Variants in PAWR observed in about 807,000 individuals in gnomAD.
PAWR encodes the protein PRKC apoptosis WT1 regulator protein.
In PAWR, 23 loss-of-function variants were observed where a neutral mutation model predicts 32.0. The ratio of observed to expected loss-of-function variants is 0.72; its 90% CI spans 0.52 to 1.02. The LOEUF is 1.02. Among genes scored for constraint, PAWR ranks in the 50% least tolerant of loss-of-function variants. The pLI is 0.00. For missense variants in PAWR, 457 were observed against 437.7 expected, an observed-to-expected ratio of 1.04 and a Z score of -0.39; for synonymous variants, 226 against 187.1, an observed-to-expected ratio of 1.21 and a Z score of -1.70.
chr12:79,636,787 C>G (rs1468906228), intron 2 of PAWR, among the ~76,000 whole-genome samples: 1 of 152,044 alleles, frequency 6.6e-6, no homozygotes, highest in African/African-American at 2.4e-5. Context: ...AATGCTTGTT[C>G]CTTCGATTTT....
intron 2 of PAWR, among the ~76,000 whole-genome samples, chr12:79,659,158 G>A (rs182851820): frequency 2.2e-3 from 332 of 151,968 alleles, no homozygotes; most frequent in African/African-American, 7.2e-3. Flanking sequence ...CGAGCCAGGC[G>A]TGGTGGCGGG....
intron 2 of PAWR, among the ~76,000 whole-genome samples, chr12:79,657,562 C>T (rs538566359): frequency 3.3e-5 from 5 of 152,220 alleles, no homozygotes; most frequent in Non-Finnish European, 5.9e-5. Flanking sequence ...GAGGCTGAGG[C>T]GGGCGGATCA....
intron 2 of PAWR, among the ~76,000 whole-genome samples, chr12:79,674,354 G>A (rs757948511): frequency 2.0e-5 from 3 of 151,384 alleles, no homozygotes; most frequent in Admixed American, 6.6e-5. Flanking sequence ...GCCATATGCA[G>A]AAGACTGAAA....
chr12:79,620,949 G>A, intron 3 of PAWR, 127 bp downstream of exon 3: 1 of 686,964 alleles, frequency 1.5e-6, no homozygotes, highest in East Asian at 2.7e-5. Flanking sequence ...CCCACTTATG[G>A]TAAGGAAGGC....
At chr12:79,595,194 T>C (rs1185977056) in intron 5 of PAWR, among the ~76,000 whole-genome samples, 1 of 152,246 alleles carries the variant, frequency 6.6e-6, no homozygotes, top group Non-Finnish European at 1.5e-5. Flanking sequence ...TACTTCTGGC[T>C]CTGCCAGTTA....
chr12:79,637,874 T>C (rs995326538), intron 2 of PAWR, among the ~76,000 whole-genome samples: 8 of 152,178 alleles, frequency 5.3e-5, no homozygotes, highest in East Asian at 1.9e-4. Flanking sequence ...GGTAAACATC[T>C]TTCTATGAGA....
intron 6 of PAWR, among the ~76,000 whole-genome samples, chr12:79,593,819 C>T (rs1351990465): frequency 6.6e-6 from 1 of 150,430 alleles, no homozygotes; most frequent in Admixed American, 6.6e-5. Context: ...TCTCCTGCCT[C>T]AACCTTCTGA....
intron 2 of PAWR, among the ~76,000 whole-genome samples, chr12:79,661,038 T>C (rs1251330647): frequency 2.6e-5 from 4 of 151,474 alleles, no homozygotes; most frequent in South Asian, 2.1e-4. Context: ...GAGGCCGAGG[T>C]GGGTGTATCA....
At chr12:79,645,036 C>CCACACACACACACACACACA (rs60664351) in intron 2 of PAWR, among the ~76,000 whole-genome samples, 4 of 120,002 alleles carry the variant, frequency 3.3e-5, no homozygotes, top group African/African-American at 1.1e-4. Context: ...TCCACCCCCA[C>CCACACACACACACACACACA]CACACACACA....
At position 79,591,540 on chromosome 12, in the gene PAWR, C is replaced by T. The variant is rs144859507; in HGVS notation, c.*1067G>A. 624 of 152,064 alleles carry T rather than the reference C, an allele frequency of 4.1e-3. 12 individuals carry two copies. The highest frequency in any genetic ancestry group is 0.014 in the African/African-American group (592 of 41,524). The allele number at this position is 152,064 out of a possible 1,614,324, so 9.4% of individuals were successfully genotyped here. A position where few individuals can be genotyped will look rare whatever the true frequency, so the allele number is the denominator to read the frequency against. On this transcript the variant is annotated 3_prime_UTR_variant, in exon 7 of 7. Transcript: ENST00000328827. The stretch of plus-strand genomic sequence containing the variant: ...AATAATATTTAATAGAAGAAAAAAT[C>T]TGTATAATTATTTAGAAGTAACTCT...
chr12:79,667,579 A>C (rs935464920), intron 2 of PAWR, among the ~76,000 whole-genome samples: 5 of 152,214 alleles, frequency 3.3e-5, no homozygotes, highest in African/African-American at 1.2e-4. Flanking sequence ...TAATGTATAG[A>C]TCTTATTTGG....
In PAWR at chr12:79,589,486, A is replaced by C. The variant is rs1873484117; in HGVS notation, c.*3121T>G. 1.3e-5 allele frequency: 2 copies of C among 151,980 alleles called. No individual in the cohort carries two copies. The highest frequency in any genetic ancestry group is 6.6e-5 in the Admixed American group (1 of 15,262). 9.4% of individuals were successfully genotyped at this position (151,980 alleles called of 1,614,324 possible). On this transcript the variant is annotated 3_prime_UTR_variant, in exon 7 of 7. Coordinates refer to ENST00000328827, the MANE Select transcript of PAWR (RefSeq NM_002583.4). Reference sequence around the variant, plus strand: ...TTTTTTAAACTGAAGAAAAAAAAAAACTACATTGCTCCACATACCTGATAC... The same window carrying C: ...TTTTTTAAACTGAAGAAAAAAAAAACCTACATTGCTCCACATACCTGATAC...
At chr12:79,682,716 G>A (rs904679762) in intron 2 of PAWR, among the ~76,000 whole-genome samples, 2 of 152,204 alleles carry the variant, frequency 1.3e-5, no homozygotes, top group African/African-American at 2.4e-5. Flanking sequence ...GAATGTAACA[G>A]GTGGCTGAGG....
chr12:79,620,420 C>T (rs1289837081), intron 3 of PAWR, among the ~76,000 whole-genome samples: 1 of 152,088 alleles, frequency 6.6e-6, no homozygotes, highest in African/African-American at 2.4e-5. Context: ...AATTCAAGTC[C>T]AAGCAAACCA....
At chr12:79,613,230 A>G (rs1242534564) in intron 4 of PAWR, among the ~76,000 whole-genome samples, 1 of 152,206 alleles carries the variant, frequency 6.6e-6, no homozygotes, top group Admixed American at 6.5e-5. Flanking sequence ...TTAAGTCACC[A>G]GTCTATAGTA....
intron 4 of PAWR, among the ~76,000 whole-genome samples, chr12:79,605,581 T>C (rs761264035): frequency 3.3e-5 from 5 of 151,808 alleles, no homozygotes; most frequent in African/African-American, 7.3e-5. Context: ...GTAGTAAGAA[T>C]AGGGGTCACA....
chr12:79,596,744 T>G, intron 4 of PAWR, 86 bp from the exon 5 acceptor site: 1 of 821,498 alleles, frequency 1.2e-6, no homozygotes, highest in Non-Finnish European at 1.9e-6. Flanking sequence ...TTAAAAAAAT[T>G]AACATTCCCC....
rs1169617444 is a variant in PAWR at position 79,632,218 on chromosome 12, G to C, written c.517-11011C>G. 4 of 141,904 alleles carry C rather than the reference G, an allele frequency of 2.8e-5. No homozygotes were observed. The South Asian group carries it at 6.7e-4, about 24-fold the overall frequency. The allele number at this position is 141,904 out of a possible 1,614,324, so 8.8% of individuals were successfully genotyped here. A position where few individuals can be genotyped will look rare whatever the true frequency, so the allele number is the denominator to read the frequency against. On this transcript the variant is annotated intron_variant, in intron 2 of 6. Coordinates refer to ENST00000328827, the MANE Select transcript of PAWR (RefSeq NM_002583.4). Reference sequence around the variant, plus strand: ...CTTGATTTCAATACTTATAAAGTGAGAGTAATCAAGAGTGTGTTATTGGCG... The same window carrying C: ...CTTGATTTCAATACTTATAAAGTGACAGTAATCAAGAGTGTGTTATTGGCG...
intron 2 of PAWR, among the ~76,000 whole-genome samples, chr12:79,636,953 A>T (rs1345376538): frequency 2.6e-5 from 4 of 152,172 alleles, no homozygotes; most frequent in Admixed American, 2.6e-4. Context: ...CAAGGCTCTA[A>T]TAAGGAAAAT....
Sources: gnomAD v4.1 joint callset for allele counts (sites outside exome capture counted in the v4.1 genomes callset) on GRCh38, gnomAD v4.1.1 for gene constraint, MANE v1.5 for transcripts, NCBI Gene and HGNC (gene_info 2026-07-23, HGNC 2026-07-21) for gene names.